Variants in CHD1L observed in about 807,000 individuals in gnomAD.
CHD1L encodes the protein chromodomain helicase DNA binding protein 1 like.
In CHD1L, 118 loss-of-function variants were observed where a neutral mutation model predicts 115.9. The observed-to-expected ratio is 1.02, with a 90% CI of 0.88 to 1.19. The LOEUF is 1.19. Ranked by LOEUF, CHD1L falls within the 50% of genes most tolerant of loss-of-function variation. The pLI is 0.00. For synonymous variants in CHD1L, 411 were observed against 387.1 expected, an observed-to-expected ratio of 1.06 and a Z score of -0.72; for missense variants, 1,179 against 1,065.3, an observed-to-expected ratio of 1.11 and a Z score of -1.49.
At chr1:147,240,229 AC>A (rs1205111717), upstream of CHD1L, among the ~76,000 whole-genome samples, 4 of 152,086 alleles carry the variant, frequency 2.6e-5, no homozygotes, top group East Asian at 5.8e-4. Context: ...CTGTAACCCT[AC>A]CCCCAACCCT....
chr1:147,233,996 C>A, the CHD1L span, among the ~76,000 whole-genome samples: 1 of 152,304 alleles, frequency 6.6e-6, no homozygotes, highest in Non-Finnish European at 1.5e-5. Context: ...AAACCAGAGA[C>A]CTTTGTTCAC....
chr1:147,259,956 C>T, intron 6 of CHD1L, 38 bp downstream of exon 6: 6 of 1,443,612 alleles, frequency 4.2e-6, no homozygotes, highest in Non-Finnish European at 5.8e-6. Context: ...TATATAACCC[C>T]TTCTTTTTAA....
intron 12 of CHD1L, among the ~76,000 whole-genome samples, chr1:147,272,903 G>A (rs1196182783): frequency 1.9e-4 from 27 of 141,404 alleles, no homozygotes; most frequent in South Asian, 2.3e-4. Flanking sequence ...GTGGTGTCTG[G>A]AAAAAAAAAA....
At chr1:147,272,075 G>A (rs1676454615) in intron 11 of CHD1L, 96 bp from the exon 12 acceptor site, 4 of 934,764 alleles carry the variant, frequency 4.3e-6, no homozygotes, top group South Asian at 1.7e-5. Context: ...ATATGGAAAG[G>A]GACAAAATTG....
chr1:147,204,169 T>C, the CHD1L span: 6 of 1,273,860 alleles, frequency 4.7e-6, no homozygotes, highest in Non-Finnish European at 6.9e-6. Context: ...TCAACACTGT[T>C]CCCTTAGTTT....
intron 6 of CHD1L, chr1:147,261,068 TAG>T (rs1410467184): frequency 1.3e-5 from 2 of 152,200 alleles, no homozygotes; most frequent in Non-Finnish European, 2.9e-5. Flanking sequence ...TTGTAGTTTT[TAG>T]AGTCTTAATG....
the CHD1L span, chr1:147,176,156 T>A: frequency 6.6e-6 from 1 of 152,234 alleles, no homozygotes; most frequent in African/African-American, 2.4e-5. Flanking sequence ...TATGAGTTTA[T>A]ACACAAGAGA....
intron 1 of CHD1L, among the ~76,000 whole-genome samples, chr1:147,249,574 T>G (rs1553935361): frequency 1.3e-5 from 2 of 151,978 alleles, no homozygotes. Flanking sequence ...CCCAGCTAAT[T>G]TTTGTATTTT....
At chr1:147,215,999 T>C in the CHD1L span, 5 of 1,337,884 alleles carry the variant, frequency 3.7e-6, no homozygotes, top group Non-Finnish European at 5.2e-6. Flanking sequence ...TGTTTTATAA[T>C]AGCCAATAGA....
At chr1:147,223,112 T>G in the CHD1L span, among the ~76,000 whole-genome samples, 1 of 152,208 alleles carries the variant, frequency 6.6e-6, no homozygotes, top group Admixed American at 6.5e-5. Context: ...CAGAGAAGCT[T>G]AATGATGTGC....
At position 147,253,857 on chromosome 1, in the gene CHD1L, T is replaced by G. The variant is rs141379760; in HGVS notation, c.241-1013T>G. On this transcript the variant is annotated intron_variant, in intron 2 of 22. Coordinates refer to ENST00000369258, the MANE Select transcript of CHD1L (RefSeq NM_004284.6). Reference sequence around the variant, plus strand: ...TTTTGTTAATCTAACAGTGTCACTGTAATTTTTTACTTCGTTATATTCTTC... The same window carrying G: ...TTTTGTTAATCTAACAGTGTCACTGGAATTTTTTACTTCGTTATATTCTTC... Among the ~76,000 whole-genome samples, 287 of 152,354 alleles carry G rather than the reference T, an allele frequency of 1.9e-3. 4 individuals carry two copies. The highest frequency in any genetic ancestry group is 0.012 in the Admixed American group (182 of 15,306).
At chr1:147,180,784 A>G in the CHD1L span, among the ~76,000 whole-genome samples, 4 of 152,318 alleles carry the variant, frequency 2.6e-5, no homozygotes, top group East Asian at 7.7e-4. Context: ...GAACAGATAC[A>G]GGTCCACCTC....
chr1:147,264,891 TTTG>T (rs1332043521), intron 7 of CHD1L, among the ~76,000 whole-genome samples: 1 of 152,216 alleles, frequency 6.6e-6, no homozygotes, highest in Non-Finnish European at 1.5e-5. Context: ...CTATAAAGGC[TTTG>T]TTAACTTTAT....
At chr1:147,187,214 C>T in the CHD1L span, 51 of 1,613,062 alleles carry the variant, frequency 3.2e-5, no homozygotes, top group Admixed American at 5.0e-5. Flanking sequence ...ATGTAGTCTC[C>T]CTGAATGGTA....
chr1:147,246,864 A>G (rs1231840011), intron 1 of CHD1L, among the ~76,000 whole-genome samples: 10 of 152,154 alleles, frequency 6.6e-5, no homozygotes, highest in African/African-American at 2.2e-4. Context: ...TTTTTCTCTT[A>G]TGGATAGTTT....
chr1:147,263,207 C>T (rs1672611668), intron 6 of CHD1L, among the ~76,000 whole-genome samples: 1 of 152,028 alleles, frequency 6.6e-6, no homozygotes, highest in African/African-American at 2.4e-5. Context: ...GCAGGAAGAT[C>T]ACTTGAACCC....
chr1:147,294,547 C>A, intron 22 of CHD1L, 30 bp downstream of exon 22: 2 of 1,541,004 alleles, frequency 1.3e-6, no homozygotes, highest in Non-Finnish European at 1.8e-6. Flanking sequence ...ATTGTGTGTT[C>A]TCCCAACCCA....
chr1:147,225,729 C>G, the CHD1L span: 1 of 152,342 alleles, frequency 6.6e-6, no homozygotes, highest in Non-Finnish European at 1.5e-5. Context: ...GAACACCTAC[C>G]TTTCAGGTGA....
At chr1:147,281,539 C>T (rs1253996238) in intron 15 of CHD1L, among the ~76,000 whole-genome samples, 1 of 152,126 alleles carries the variant, frequency 6.6e-6, no homozygotes, top group African/African-American at 2.4e-5. Context: ...CATTGTTTTA[C>T]AGGAAACTGC....
Sources: allele counts gnomAD v4.1 joint callset (sites outside exome capture counted in the v4.1 genomes callset), GRCh38; gene constraint gnomAD v4.1.1; transcripts MANE v1.5; gene names NCBI Gene and HGNC (gene_info 2026-07-23, HGNC 2026-07-21).